Variants in CACNG7 observed in about 807,000 individuals in gnomAD.
The protein encoded by CACNG7 is voltage-dependent calcium channel gamma-7 subunit.
In CACNG7, 9 loss-of-function variants were observed where a neutral mutation model predicts 26.3. The ratio of observed to expected loss-of-function variants is 0.34; its 90% CI spans 0.21 to 0.60. CACNG7 has a LOEUF of 0.60. Ranked by LOEUF, CACNG7 falls within the 20% of genes least tolerant of loss-of-function variation. CACNG7 has a pLI of 0.81. For missense variants in CACNG7, 297 were observed against 380.4 expected (o/e 0.78, Z 1.82); for synonymous variants, 170 against 157.0 (o/e 1.08, Z -0.62).
chr19:53,920,012 TCTGGTCATTGGTGGACTTGCCCCAGG>T (rs1355467628), intron 4 of CACNG7, among the ~76,000 whole-genome samples: 36 of 108,260 alleles, frequency 3.3e-4, no homozygotes, highest in Non-Finnish European at 4.3e-4. Flanking sequence ...TTGCCCCAGG[TCTGGTCATTGGTGGACTTGCCCCAGG>T]CTGGTCATTG....
Position 53,922,106 on chromosome 19 carries a change from C to T in CACNG7, c.424+6601C>T, listed in dbSNP as rs1191751663. 2.1e-4 allele frequency among the ~76,000 whole-genome samples: 22 copies of T among 105,788 alleles called. No individual in the cohort carries two copies. In the Admixed American group the frequency reaches 2.1e-3, roughly 10 times the overall value. The allele number at this position is 105,788 out of a possible 152,430, so 69.4% of individuals were successfully genotyped here. ...TGGTGGAGTTGTCCCCAGGCCTGGT[C>T]ATTGGTGGAGTTGCCCCAGGCCTGG... On this transcript the variant is annotated intron_variant, in intron 4 of 5. Transcript: ENST00000391767.
chr19:53,925,638 T>G (rs2145911374), intron 4 of CACNG7, among the ~76,000 whole-genome samples: 1 of 149,396 alleles, frequency 6.7e-6, no homozygotes, highest in South Asian at 2.1e-4. Context: ...GGAGTTGGCA[T>G]TCAATTGTGG....
intron 4 of CACNG7, among the ~76,000 whole-genome samples, chr19:53,922,940 G>C (rs2068975741): frequency 2.2e-5 from 2 of 91,408 alleles, no homozygotes; most frequent in Admixed American, 9.0e-5. Flanking sequence ...TCCCAGGTCT[G>C]GTCATTGGTG....
At position 53,941,467 on chromosome 19, in the gene CACNG7, T is replaced by C. The variant is rs1158751284; in HGVS notation, c.425-3T>C. The C allele has an allele frequency of 6.4e-7, 1 of 1,559,090 alleles. No individual in the cohort carries two copies. The highest frequency in any genetic ancestry group is 2.1e-5 in the Admixed American group (1 of 48,382). On this transcript the variant is annotated splice_region_variant and splice_polypyrimidine_tract_variant and intron_variant, in intron 4 of 5. Transcript: ENST00000391767. ...GACGAGGGCACCCCCTCTGCTCCCC[T>C]AGGCCTCTCCTTGGTGGTGGGCTTG...
At position 53,943,656 on chromosome 19, in the gene CACNG7, T is replaced by G. The variant is rs979060305; in HGVS notation, c.*1363T>G. On this transcript the variant is annotated 3_prime_UTR_variant, in exon 6 of 6. Transcript: ENST00000391767. ...GGTGGGGTGGGGGGCCTGGCTCTGT[T>G]ATTTACCGTGTATCATATGTAAATA... The G allele has an allele frequency of 1.3e-5, 2 of 151,762 alleles. No individual in the cohort carries two copies. Among genetic ancestry groups the G allele is most frequent in the African/African-American group, 4.8e-5 (2 of 41,328 alleles). 9.4% of individuals were successfully genotyped at this position (151,762 alleles called of 1,614,324 possible). A position where few individuals can be genotyped will look rare whatever the true frequency, so the allele number is the denominator to read the frequency against.
chr19:53,914,455 C>A, intron 2 of CACNG7, 45 bp from the exon 3 acceptor site: 1 of 1,568,672 alleles, frequency 6.4e-7, no homozygotes, highest in Non-Finnish European at 8.8e-7. Context: ...CTCTCTAGAG[C>A]TTAGGAGCCT....
Position 53,942,298 on chromosome 19 carries a change from C to A in CACNG7, c.*5C>A. 1 of 1,604,070 alleles carries A rather than the reference C, an allele frequency of 6.2e-7. No individual in the cohort carries two copies. Among genetic ancestry groups the A allele is most frequent in the Non-Finnish European group, 8.5e-7 (1 of 1,175,416 alleles). On this transcript the variant is annotated 3_prime_UTR_variant, in exon 6 of 6. Coordinates refer to ENST00000391767, the MANE Select transcript of CACNG7 (RefSeq NM_031896.5). This position sits in a 1 kb window ranked among gnomAD's most constrained non-coding sequence, Gnocchi z 5.9. ...ATCTCCACCTCGCCCTGCTGAGGCC[C>A]GCCCCTCGGAGCTCCCCCTGCCTCC...
intron 4 of CACNG7, among the ~76,000 whole-genome samples, chr19:53,922,883 G>GT (rs1555810775): frequency 4.0e-5 from 3 of 74,376 alleles, no homozygotes; most frequent in Non-Finnish European, 7.1e-5. Context: ...GTTGACTCAG[G>GT]CTGGTCATTG....
Position 53,915,358 on chromosome 19 carries a change from TCCC to T in CACNG7, c.284-5_284-3del. On this transcript the variant is annotated splice_region_variant and splice_polypyrimidine_tract_variant and intron_variant, in intron 3 of 5. Transcript: ENST00000391767. ...CTCACCCCTGTCTCTCCCCATCCCC[TCCC>T]CAGAGACAGTGCGCACGGCCACCCC... The T allele has an allele frequency of 2.1e-6, 3 of 1,399,372 alleles. No individual in the cohort carries two copies. Among genetic ancestry groups the T allele is most frequent in the Non-Finnish European group, 3.0e-6 (3 of 1,009,742 alleles). 86.7% of individuals were successfully genotyped at this position (1,399,372 alleles called of 1,614,324 possible).
rs538151358 is a variant in CACNG7 at position 53,921,524 on chromosome 19, T to A, written c.424+6019T>A. The stretch of plus-strand genomic sequence containing the variant: ...GCCCCAGGTCTGGTATTGGTGGAGT[T>A]GCCCCAGGTCTGGTCATTGGTGGAG... On this transcript the variant is annotated intron_variant, in intron 4 of 5. Coordinates refer to ENST00000391767, the MANE Select transcript of CACNG7 (RefSeq NM_031896.5). 8.2e-4 allele frequency among the ~76,000 whole-genome samples: 115 copies of A among 140,858 alleles called. 4 individuals carry two copies. The highest frequency in any genetic ancestry group is 3.0e-3 in the African/African-American group (97 of 32,816). 92.4% of individuals were successfully genotyped at this position (140,858 alleles called of 152,430 possible).
chr19:53,941,994 G>C, intron 5 of CACNG7, 42 bp from the exon 6 acceptor site: 1 of 1,532,152 alleles, frequency 6.5e-7, no homozygotes, highest in Non-Finnish European at 8.8e-7. Flanking sequence ...CCGGGGATGC[G>C]CAGGGGGGCG....
intron 4 of CACNG7, among the ~76,000 whole-genome samples, chr19:53,921,457 G>T (rs1446350637): frequency 6.6e-6 from 1 of 151,342 alleles, no homozygotes; most frequent in Non-Finnish European, 1.5e-5. Context: ...CCCAGGTCTG[G>T]TATTGCTGGA....
At chr19:53,920,293 G>C (rs1181376651) in intron 4 of CACNG7, among the ~76,000 whole-genome samples, 1 of 106,964 alleles carries the variant, frequency 9.3e-6, no homozygotes. Context: ...TATTGGTGGA[G>C]TTGCCCCAGG....
intron 4 of CACNG7, among the ~76,000 whole-genome samples, chr19:53,920,626 T>C (rs1299670154): frequency 1.7e-5 from 1 of 58,564 alleles, no homozygotes. Context: ...TTGCCCCAGG[T>C]CTGGTCATTG....
At chr19:53,923,529 T>C (rs867994574) in intron 4 of CACNG7, among the ~76,000 whole-genome samples, 5 of 97,536 alleles carry the variant, frequency 5.1e-5, no homozygotes, top group East Asian at 3.6e-4. Context: ...TTGCCCCAGG[T>C]CTGGTCATTG....
chr19:53,921,782 A>G (rs2068957444), intron 4 of CACNG7, among the ~76,000 whole-genome samples: 1 of 82,516 alleles, frequency 1.2e-5, no homozygotes, highest in African/African-American at 7.1e-5. Context: ...AGGTCTGGTC[A>G]TTGGTGGAGT....
chr19:53,930,950 C>T (rs536633080), intron 4 of CACNG7, among the ~76,000 whole-genome samples: 1 of 152,146 alleles, frequency 6.6e-6, no homozygotes, highest in Non-Finnish European at 1.5e-5. Context: ...TGTGGCCTCA[C>T]TTTGGGAGGC....
chr19:53,918,493 A>C (rs1211199302), intron 4 of CACNG7, among the ~76,000 whole-genome samples: 1 of 152,200 alleles, frequency 6.6e-6, no homozygotes, highest in African/African-American at 2.4e-5. Context: ...CAAAAGAAGA[A>C]TAATAGGTAA....
intron 1 of CACNG7, among the ~76,000 whole-genome samples, chr19:53,910,708 G>A (rs1047398866): frequency 1.3e-5 from 2 of 152,094 alleles, no homozygotes; most frequent in African/African-American, 4.8e-5. Flanking sequence ...GGAATTTCAA[G>A]TCCTTGAGAT....
Sources: allele counts gnomAD v4.1 joint callset (sites outside exome capture counted in the v4.1 genomes callset), GRCh38; gene constraint gnomAD v4.1.1; non-coding constraint Gnocchi (gnomAD v3.1); transcripts MANE v1.5; gene names NCBI Gene and HGNC (gene_info 2026-07-23, HGNC 2026-07-21).